The following PDILT variants were observed in gnomAD, a reference collection of about 807,000 sequenced individuals.
PDILT encodes the protein protein disulfide isomerase like, testis expressed, also known as protein disulfide-isomerase-like protein of the testis.
In PDILT, 43 loss-of-function variants were observed where a neutral mutation model predicts 53.7. That is an observed-to-expected ratio of 0.80 (90% confidence interval 0.63 to 1.03). The LOEUF is 1.03. Among genes scored for constraint, PDILT ranks in the 50% least tolerant of loss-of-function variants. The pLI is 0.00. For synonymous variants in PDILT, 282 were observed against 274.2 expected, an observed-to-expected ratio of 1.03 and a Z score of -0.28; for missense variants, 727 against 712.3, an observed-to-expected ratio of 1.02 and a Z score of -0.24.
chr16:20,369,286 A>G (rs909278440), intron 8 of PDILT, among the ~76,000 whole-genome samples: 1 of 152,226 alleles, frequency 6.6e-6, no homozygotes, highest in Admixed American at 6.5e-5. Context: ...ACAACTAAGA[A>G]TAAGTGGAGG....
intron 3 of PDILT, 104 bp downstream of exon 3, chr16:20,384,541 G>A (rs766743046): frequency 2.0e-5 from 28 of 1,370,436 alleles, no homozygotes; most frequent in Non-Finnish European, 2.7e-5. Flanking sequence ...AGGATCCTGG[G>A]TCCCCGAGAA....
chr16:20,390,813 T>C (rs1272416933), intron 2 of PDILT: 2 of 152,210 alleles, frequency 1.3e-5, no homozygotes, highest in Non-Finnish European at 2.9e-5. Flanking sequence ...CACTTACCAG[T>C]TGTGTGACCT....
chr16:20,392,008 C>G (rs1017145948), intron 2 of PDILT, among the ~76,000 whole-genome samples: 3 of 151,912 alleles, frequency 2.0e-5, no homozygotes, highest in African/African-American at 7.3e-5. Flanking sequence ...GAGGAAGTCT[C>G]TCTGGATGCA....
chr16:20,400,652 T>C (rs1966728538), intron 1 of PDILT, among the ~76,000 whole-genome samples: 1 of 152,176 alleles, frequency 6.6e-6, no homozygotes, highest in Admixed American at 6.5e-5. Flanking sequence ...AATAGAGAGA[T>C]GGTACAAGGT....
Position 20,371,120 on chromosome 16 carries a change from A to T in PDILT, c.919-1431T>A, listed in dbSNP as rs78729301. Among the ~76,000 whole-genome samples the T allele has an allele frequency of 6.0e-3, 907 of 152,284 alleles. 10 individuals carry two copies. The highest frequency in any genetic ancestry group is 0.021 in the African/African-American group (852 of 41,558). On this transcript the variant is annotated intron_variant, in intron 7 of 11. Coordinates refer to ENST00000302451, the MANE Select transcript of PDILT (RefSeq NM_174924.2). ...CAAGAACCCTCTCTTAGGGTCTGGAACCGGACCCCTTTCCAGTAACAGCTT... is the reference window on the plus strand; with the variant it reads ...CAAGAACCCTCTCTTAGGGTCTGGATCCGGACCCCTTTCCAGTAACAGCTT...
chr16:20,365,631 T>C, intron 8 of PDILT, 91 bp from the exon 9 acceptor site: 1 of 1,470,590 alleles, frequency 6.8e-7, no homozygotes, highest in Non-Finnish European at 9.3e-7. Context: ...ACTAAAGGTT[T>C]TCTCGTGTTT....
At chr16:20,369,780 G>A (rs1409655443) in intron 7 of PDILT, 91 bp from the exon 8 acceptor site, 3 of 1,279,758 alleles carry the variant, frequency 2.3e-6, no homozygotes, top group Non-Finnish European at 3.4e-6. Flanking sequence ...GATGCACATG[G>A]TGGGGTCTGT....
At chr16:20,378,336 C>T (rs1408684525) in intron 3 of PDILT, among the ~76,000 whole-genome samples, 1 of 152,194 alleles carries the variant, frequency 6.6e-6, no homozygotes, top group Non-Finnish European at 1.5e-5. Context: ...TGCCCACTCC[C>T]AGCCTCTACT....
At position 20,367,039 on chromosome 16, in the gene PDILT, C is replaced by A. The variant is rs1156391192; in HGVS notation, c.1117-1499G>T. The stretch of plus-strand genomic sequence containing the variant: ...CTCTCTCTTTCTTCTTTCTTTCTTT[C>A]TTTCTTTCTTTCTTTCTTTCTTTCT... On this transcript the variant is annotated intron_variant, in intron 8 of 11. Transcript: ENST00000302451. Among the ~76,000 whole-genome samples the A allele has an allele frequency of 5.1e-4, 14 of 27,718 alleles. 2 individuals are homozygous for A. The highest frequency in any genetic ancestry group is 1.3e-3 in the African/African-American group (9 of 6,922). 18.2% of individuals were successfully genotyped at this position (27,718 alleles called of 152,430 possible).
At chr16:20,402,620 C>T (rs1248550766) in intron 1 of PDILT, among the ~76,000 whole-genome samples, 4 of 152,106 alleles carry the variant, frequency 2.6e-5, no homozygotes, top group Non-Finnish European at 2.9e-5. Context: ...ATAGGGTGAC[C>T]GTGGGAAAGC....
rs1295488601 is a variant in PDILT, at chr16:20,400,046, CTATCTATCTATATATATATA to C, written c.-7-759_-7-740del. Among the ~76,000 whole-genome samples, 45 of 122,226 alleles carry C rather than the reference CTATCTATCTATATATATATA, an allele frequency of 3.7e-4. 1 individual carries two copies. The highest frequency in any genetic ancestry group is 1.3e-3 in the African/African-American group (35 of 27,082). The allele number at this position is 122,226 out of a possible 152,430, so 80.2% of individuals were successfully genotyped here. ...TCTATCTATCTATCTATCTATCTAT[CTATCTATCTATATATATATA>C]TATATATTTTTTGAGACGGAGTTTT... is the stretch of plus-strand genomic sequence containing the variant. On this transcript the variant is annotated intron_variant, in intron 1 of 11. Coordinates refer to ENST00000302451, the MANE Select transcript of PDILT (RefSeq NM_174924.2).
At position 20,367,970 on chromosome 16, in the gene PDILT, G is replaced by A. The variant is rs1966239089; in HGVS notation, c.1116+1522C>T. Among the ~76,000 whole-genome samples the A allele has an allele frequency of 2.6e-5, 4 of 152,124 alleles. No individual in the cohort carries two copies. The South Asian group carries it at 8.3e-4, about 32-fold the overall frequency. ...GAGGTGGAAGATGGAGGGGATAAAGGAGGTAAGGGAATCATCATCAGAGCA... is the reference window on the plus strand; with the variant it reads ...GAGGTGGAAGATGGAGGGGATAAAGAAGGTAAGGGAATCATCATCAGAGCA... On this transcript the variant is annotated intron_variant, in intron 8 of 11. Coordinates refer to ENST00000302451, the MANE Select transcript of PDILT (RefSeq NM_174924.2).
chr16:20,365,959 A>G (rs901423126), intron 8 of PDILT, among the ~76,000 whole-genome samples: 1 of 151,966 alleles, frequency 6.6e-6, no homozygotes, highest in Non-Finnish European at 1.5e-5. Context: ...GTATGGTGGC[A>G]TGCACCTGTA....
At chr16:20,385,255 C>T (rs1201347604) in intron 2 of PDILT, among the ~76,000 whole-genome samples, 1 of 152,198 alleles carries the variant, frequency 6.6e-6, no homozygotes, top group Non-Finnish European at 1.5e-5. Flanking sequence ...ATTTACTCCT[C>T]TCTATAACTC....
intron 3 of PDILT, among the ~76,000 whole-genome samples, chr16:20,384,075 T>C (rs867228594): frequency 6.6e-6 from 1 of 152,172 alleles, no homozygotes; most frequent in Admixed American, 6.5e-5. Context: ...CATCTCCCAA[T>C]TTCCCTTTTG....
chr16:20,369,762 A>C, intron 7 of PDILT, 73 bp from the exon 8 acceptor site: 1 of 1,470,394 alleles, frequency 6.8e-7, no homozygotes, highest in South Asian at 1.1e-5. Context: ...AAGGCTGTGG[A>C]CTAAGGGGAT....
At chr16:20,397,428 C>T (rs1966675440) in intron 2 of PDILT, among the ~76,000 whole-genome samples, 1 of 152,174 alleles carries the variant, frequency 6.6e-6, no homozygotes, top group African/African-American at 2.4e-5. Context: ...CAGGCATGAG[C>T]TACCATGCCC....
intron 2 of PDILT, among the ~76,000 whole-genome samples, chr16:20,386,599 A>G (rs1173157814): frequency 1.3e-5 from 2 of 152,162 alleles, no homozygotes; most frequent in Non-Finnish European, 2.9e-5. Context: ...AAAGTGAATG[A>G]TCGCTTTCAT....
At chr16:20,365,721 C>T (rs1476720203) in intron 8 of PDILT, among the ~76,000 whole-genome samples, 181 bp from the exon 9 acceptor site, 1 of 152,038 alleles carries the variant, frequency 6.6e-6, no homozygotes, top group African/African-American at 2.4e-5. Flanking sequence ...TGGTTCAGGG[C>T]GATTTGGGGT....
Sources: gnomAD v4.1 joint callset for allele counts (sites outside exome capture counted in the v4.1 genomes callset) on GRCh38, gnomAD v4.1.1 for gene constraint, MANE v1.5 for transcripts, NCBI Gene and HGNC (gene_info 2026-07-23, HGNC 2026-07-21) for gene names.